Variants in TBC1D12 observed in about 807,000 individuals in gnomAD.
TBC1D12 encodes the protein TBC1 domain family, member 12.
Under a neutral mutation model 86.7 loss-of-function variants are expected in TBC1D12, and 56 were observed. That is an observed-to-expected ratio of 0.65 (90% CI 0.52 to 0.81). The LOEUF (loss-of-function observed/expected upper bound fraction) is 0.81, where lower values mean the gene tolerates loss of function less well. TBC1D12 is among the 30% of genes least tolerant of loss of function. The pLI is 0.00. For missense variants in TBC1D12, 1,023 were observed against 1,038.8 expected, an observed-to-expected ratio of 0.98 and a Z score of 0.21; for synonymous variants, 421 against 411.7, an observed-to-expected ratio of 1.02 and a Z score of -0.27.
Position 94,511,647 on chromosome 10 carries a change from T to A in TBC1D12, c.1754T>A (p.Val585Asp). The change falls in exon 9 of 13, where the codon GTT (valine) becomes GAT (aspartate). Residue 585 changes from valine (V) to aspartate (D), a missense_variant. Val to Asp is a radical substitution (Grantham distance 152). Around this residue, in one of 2 missense-constraint regions of TBC1D12, gnomAD observed 395 missense variants for 507.7 expected, o/e 0.78. Transcript: ENST00000225235. ...GCATACACATGCTACAGGCCTGATG[T>A]TGGTTATGTAAGTATTTGTTTCCAT... is the stretch of plus-strand genomic sequence containing the variant. Reference protein sequence around the residue: ...LGAYTCYRPDVGYVQGMSFIA... With the variant: ...LGAYTCYRPDDGYVQGMSFIA... 1 of 1,610,310 alleles carries A rather than the reference T, an allele frequency of 6.2e-7. No homozygotes were observed. The highest frequency in any genetic ancestry group is 1.7e-5 in the Admixed American group (1 of 59,558).
Position 94,403,501 on chromosome 10 carries a change from GC to G in TBC1D12, c.891del (p.Leu298CysfsTer100), listed in dbSNP as rs1342489257. ...ACCTGCCCCCGGCGGGGCCGCCGGT[GC>G]CCTTGCCCGCCGCGGAGCAGGGTCC... ...DHLPPAGPPV[P>X]LPAAEQGPAG... On this transcript the variant is annotated frameshift_variant, in exon 1 of 13. Coordinates refer to ENST00000225235, the MANE Select transcript of TBC1D12 (RefSeq NM_015188.2). LOFTEE classifies it high-confidence loss of function. 1 of 1,551,444 alleles carries G rather than the reference GC, an allele frequency of 6.4e-7. No homozygotes were observed. Among genetic ancestry groups the G allele is most frequent in the South Asian group, 1.2e-5 (1 of 83,832 alleles).
intron 1 of TBC1D12, among the ~76,000 whole-genome samples, chr10:94,438,730 G>T (rs1482907074): frequency 1.3e-5 from 2 of 151,940 alleles, no homozygotes; most frequent in Non-Finnish European, 2.9e-5. Context: ...CACTCCCCTG[G>T]TTGTTAAAAG....
intron 3 of TBC1D12, among the ~76,000 whole-genome samples, chr10:94,477,677 C>G (rs2056012131): frequency 6.6e-6 from 1 of 152,138 alleles, no homozygotes. Flanking sequence ...ATTCAAGAGG[C>G]CTGTTCTGCT....
chr10:94,473,965 A>C (rs76038185), intron 2 of TBC1D12, among the ~76,000 whole-genome samples: 2 of 152,158 alleles, frequency 1.3e-5, no homozygotes, highest in Non-Finnish European at 2.9e-5. Context: ...TATATTTTTG[A>C]ATAAGATGTG....
At chr10:94,472,124 G>A (rs186951353) in intron 2 of TBC1D12, among the ~76,000 whole-genome samples, 10 of 152,192 alleles carry the variant, frequency 6.6e-5, no homozygotes, top group Admixed American at 2.6e-4. Context: ...ATTTTCATCA[G>A]CCAGGCACAG....
chr10:94,491,481 T>C (rs768177944), intron 3 of TBC1D12, among the ~76,000 whole-genome samples: 6 of 152,264 alleles, frequency 3.9e-5, no homozygotes, highest in Non-Finnish European at 7.3e-5. Context: ...TGTGAAGCCA[T>C]TGATTTGATA....
chr10:94,502,525 C>T lies in TBC1D12; in HGVS notation c.1519+2198C>T, dbSNP rs1589662816. Among the ~76,000 whole-genome samples, 4 of 151,672 alleles carry T rather than the reference C, an allele frequency of 2.6e-5. No individual in the cohort carries two copies. In the South Asian group the frequency reaches 8.4e-4, roughly 32 times the overall value. On this transcript the variant is annotated intron_variant, in intron 6 of 12. Coordinates refer to ENST00000225235, the MANE Select transcript of TBC1D12 (RefSeq NM_015188.2). The stretch of plus-strand genomic sequence containing the variant: ...TTTGGGACCAGCCTGGGCAACATAG[C>T]GAGACCCCGTCTCTACAAAAAAAAT...
intron 1 of TBC1D12, among the ~76,000 whole-genome samples, chr10:94,407,054 T>TAAA (rs35370498): frequency 5.4e-5 from 8 of 148,896 alleles, no homozygotes; most frequent in African/African-American, 2.0e-4. Flanking sequence ...CGAGAAACCT[T>TAAA]AAAAAAAAAA....
At chr10:94,507,372 A>G (rs1409763874) in intron 7 of TBC1D12, 25 bp downstream of exon 7, 3 of 1,571,238 alleles carry the variant, frequency 1.9e-6, no homozygotes, top group Admixed American at 2.0e-5. Flanking sequence ...TTTAAATAAG[A>G]ATTTTAGGAT....
intron 2 of TBC1D12, among the ~76,000 whole-genome samples, chr10:94,465,741 C>T (rs971750162): frequency 2.8e-5 from 4 of 144,444 alleles, no homozygotes; most frequent in African/African-American, 1.1e-4. Context: ...CATACGTATA[C>T]ATACATACAT....
chr10:94,419,719 T>C (rs1349787187), intron 1 of TBC1D12, among the ~76,000 whole-genome samples: 4 of 152,152 alleles, frequency 2.6e-5, no homozygotes, highest in Non-Finnish European at 5.9e-5. Context: ...TAAACAGCTT[T>C]TGATAGGAAC....
intron 1 of TBC1D12, among the ~76,000 whole-genome samples, chr10:94,430,500 CATG>C (rs2055200856): frequency 6.6e-6 from 1 of 152,182 alleles, no homozygotes; most frequent in African/African-American, 2.4e-5. Context: ...GGAGAATTTG[CATG>C]ATATCAATAA....
intron 1 of TBC1D12, among the ~76,000 whole-genome samples, chr10:94,407,637 G>A (rs1439146520): frequency 1.3e-5 from 2 of 151,070 alleles, no homozygotes; most frequent in African/African-American, 2.4e-5. Flanking sequence ...AGCTGAGATC[G>A]TGGCACTGCA....
At chr10:94,518,122 C>T (rs987627922) in intron 9 of TBC1D12, among the ~76,000 whole-genome samples, 1 of 152,176 alleles carries the variant, frequency 6.6e-6, no homozygotes, top group East Asian at 1.9e-4. Flanking sequence ...CCACTGCACT[C>T]CAGCCTGCGT....
intron 4 of TBC1D12, among the ~76,000 whole-genome samples, chr10:94,494,821 GGT>G (rs2056293734): frequency 6.6e-6 from 1 of 152,050 alleles, no homozygotes; most frequent in African/African-American, 2.4e-5. Context: ...TGGGATTTCA[GGT>G]GTGAGCCACC....
At chr10:94,430,727 G>A (rs1309632207) in intron 1 of TBC1D12, among the ~76,000 whole-genome samples, 1 of 152,212 alleles carries the variant, frequency 6.6e-6, no homozygotes, top group East Asian at 1.9e-4. Context: ...CACTAAGGGA[G>A]AAGGCAGGGA....
At chr10:94,432,363 G>A (rs754983848) in intron 1 of TBC1D12, among the ~76,000 whole-genome samples, 17 of 152,182 alleles carry the variant, frequency 1.1e-4, no homozygotes, top group Non-Finnish European at 2.2e-4. Context: ...ATTTTCCTAG[G>A]CTGACCAGTG....
At chr10:94,477,341 CAA>C (rs201615493) in intron 3 of TBC1D12, among the ~76,000 whole-genome samples, 1 of 152,316 alleles carries the variant, frequency 6.6e-6, no homozygotes, top group South Asian at 2.1e-4. Flanking sequence ...AACAAACCAA[CAA>C]AGTGTCTTCA....
At chr10:94,466,454 A>G (rs79331163) in intron 2 of TBC1D12, among the ~76,000 whole-genome samples, 4,510 of 152,152 alleles carry the variant, frequency 0.03, 102 homozygotes, top group South Asian at 0.044. Flanking sequence ...ACACACATAT[A>G]TATAGTGGCA....
Sources: gnomAD v4.1 joint callset for allele counts (sites outside exome capture counted in the v4.1 genomes callset) on GRCh38, gnomAD v4.1.1 for gene constraint, gnomAD v4.1.1 regional missense constraint, MANE v1.5 for transcripts, NCBI Gene and HGNC (gene_info 2026-07-23, HGNC 2026-07-21) for gene names.